The following RBMS3 variants were observed in gnomAD, a reference collection of about 807,000 sequenced individuals.
The protein encoded by RBMS3 is RNA binding motif single stranded interacting protein 3.
In RBMS3, 27 loss-of-function variants were observed where a neutral mutation model predicts 66.8. The ratio of observed to expected loss-of-function variants is 0.40; its 90% CI spans 0.30 to 0.56. RBMS3 has a LOEUF of 0.56. Ranked by LOEUF, RBMS3 falls within the 20% of genes least tolerant of loss-of-function variation. RBMS3 has a pLI of 0.40. For missense variants in RBMS3, 513 were observed against 549.5 expected (o/e 0.93, Z 0.66); for synonymous variants, 188 against 183.0 (o/e 1.03, Z -0.22).
chr3:29,689,819 C>T (rs912412924), intron 4 of RBMS3, among the ~76,000 whole-genome samples: 2 of 144,356 alleles, frequency 1.4e-5, no homozygotes, highest in African/African-American at 5.1e-5. Context: ...GTGGCTCATG[C>T]ATGTAATCCC....
intron 4 of RBMS3, among the ~76,000 whole-genome samples, chr3:29,590,537 G>A (rs368042282): frequency 1.3e-5 from 2 of 152,008 alleles, no homozygotes; most frequent in South Asian, 2.1e-4. Flanking sequence ...GTCTAGGCAG[G>A]GTACTGAATA....
chr3:29,538,997 A>C (rs1365831958), intron 3 of RBMS3, among the ~76,000 whole-genome samples: 1 of 152,098 alleles, frequency 6.6e-6, no homozygotes. Flanking sequence ...TTTTTTGCTT[A>C]TTTTCCCTTC....
intron 3 of RBMS3, among the ~76,000 whole-genome samples, chr3:29,568,444 CGAATT>C (rs568256106): frequency 1.3e-4 from 20 of 152,238 alleles, no homozygotes; most frequent in Middle Eastern, 3.4e-3. Context: ...TTAAAACAAA[CGAATT>C]AAATTAAGGT....
chr3:29,331,901 T>C (rs2035687063), intron 1 of RBMS3, among the ~76,000 whole-genome samples: 1 of 147,930 alleles, frequency 6.8e-6, no homozygotes, highest in Admixed American at 6.9e-5. Flanking sequence ...GGCTTGTTCA[T>C]CTATTAGAGC....
chr3:29,510,402 T>A (rs1423635508), intron 3 of RBMS3, among the ~76,000 whole-genome samples: 1 of 152,196 alleles, frequency 6.6e-6, no homozygotes. Flanking sequence ...CTGACTTAGA[T>A]TATTAGGCAA....
At chr3:29,478,253 T>C (rs891119709) in intron 2 of RBMS3, among the ~76,000 whole-genome samples, 4 of 152,208 alleles carry the variant, frequency 2.6e-5, no homozygotes, top group African/African-American at 9.6e-5. Context: ...GCTACAAACC[T>C]GGTGGCTTAT....
chr3:29,624,050 A>T (rs557615574), intron 4 of RBMS3, among the ~76,000 whole-genome samples: 1 of 152,320 alleles, frequency 6.6e-6, no homozygotes, highest in Non-Finnish European at 1.5e-5. Flanking sequence ...ACATCCCAGG[A>T]GTTACACTGA....
intron 1 of RBMS3, among the ~76,000 whole-genome samples, chr3:29,318,042 G>A (rs562585534): frequency 6.6e-6 from 1 of 151,650 alleles, no homozygotes; most frequent in Non-Finnish European, 1.5e-5. Context: ...TAATAGGAAA[G>A]ATCAAATTAC....
chr3:29,921,520 A>G (rs886701351), intron 10 of RBMS3, among the ~76,000 whole-genome samples: 1 of 151,904 alleles, frequency 6.6e-6, no homozygotes, highest in Non-Finnish European at 1.5e-5. Flanking sequence ...CTGGGGGTGC[A>G]GCAAAAATAG....
At position 29,727,380 on chromosome 3, in the gene RBMS3, C is replaced by T. The variant is rs573226857; in HGVS notation, c.400-12340C>T. Among the ~76,000 whole-genome samples the T allele has an allele frequency of 3.3e-5, 5 of 152,238 alleles. No individual in the cohort carries two copies. In the East Asian group the frequency reaches 9.7e-4, roughly 29 times the overall value. On this transcript the variant is annotated intron_variant, in intron 4 of 14. Transcript: ENST00000383767. Reference sequence around the variant, plus strand: ...AATTGACAGATTGGATCAAATCAAACTAAAGAGCTTCTGCACAGCAAAAGA... The same window carrying T: ...AATTGACAGATTGGATCAAATCAAATTAAAGAGCTTCTGCACAGCAAAAGA...
chr3:29,699,098 T>G (rs1297808604), intron 4 of RBMS3, among the ~76,000 whole-genome samples: 3 of 152,158 alleles, frequency 2.0e-5, no homozygotes, highest in Non-Finnish European at 4.4e-5. Flanking sequence ...GGCTTAAACA[T>G]ACACAAAAAA....
At chr3:29,431,556 G>T (rs1268114919) in intron 1 of RBMS3, among the ~76,000 whole-genome samples, 1 of 151,968 alleles carries the variant, frequency 6.6e-6, no homozygotes, top group Admixed American at 6.6e-5. Flanking sequence ...CTCCCAAACT[G>T]CTGGGACTAC....
chr3:29,831,826 T>A (rs938034345), intron 6 of RBMS3, among the ~76,000 whole-genome samples: 2 of 151,914 alleles, frequency 1.3e-5, no homozygotes, highest in African/African-American at 4.8e-5. Context: ...TGTTAACACA[T>A]TTTTTATTCA....
intron 10 of RBMS3, among the ~76,000 whole-genome samples, chr3:29,901,094 C>G (rs1418306163): frequency 6.6e-6 from 1 of 151,716 alleles, no homozygotes; most frequent in African/African-American, 2.4e-5. Context: ...CCTTTATTTA[C>G]TATTATTTAC....
At chr3:29,763,427 A>G (rs76056056) in intron 6 of RBMS3, among the ~76,000 whole-genome samples, 3,591 of 152,232 alleles carry the variant, frequency 0.024, 56 homozygotes, top group Middle Eastern at 0.034. Context: ...GAAAGCATTT[A>G]GAAACTAGTA....
intron 3 of RBMS3, among the ~76,000 whole-genome samples, chr3:29,556,809 A>G (rs1018503640): frequency 6.6e-6 from 1 of 152,076 alleles, no homozygotes; most frequent in Non-Finnish European, 1.5e-5. Flanking sequence ...CTGCAGACAA[A>G]CAGAGCCAAG....
In RBMS3 at chr3:29,833,873, G is replaced by A. The variant is rs145127409; in HGVS notation, c.638-34985G>A. 6.9e-3 allele frequency among the ~76,000 whole-genome samples: 1,056 copies of A among 151,976 alleles called. 8 individuals are homozygous for A. The highest frequency in any genetic ancestry group is 0.024 in the African/African-American group (1,003 of 41,456). On this transcript the variant is annotated intron_variant, in intron 6 of 14. Coordinates refer to ENST00000383767, the MANE Select transcript of RBMS3 (RefSeq NM_001003793.3). ...GACTTCCCCAAAGAAGACTCACTAC[G>A]ACACATTAAAATCAAATTGTCAAAA...
At chr3:29,640,279 C>G (rs2049647872) in intron 4 of RBMS3, among the ~76,000 whole-genome samples, 1 of 150,128 alleles carries the variant, frequency 6.7e-6, no homozygotes, top group Non-Finnish European at 1.5e-5. Context: ...CACACACACA[C>G]ACACACCCAC....
intron 3 of RBMS3, among the ~76,000 whole-genome samples, chr3:29,516,435 GT>G (rs796090712): frequency 3.3e-4 from 50 of 151,348 alleles, no homozygotes; most frequent in Admixed American, 1.3e-3. Flanking sequence ...TGGAGAGGAA[GT>G]TTTTTTTTGT....
Sources: gnomAD v4.1 joint callset for allele counts (sites outside exome capture counted in the v4.1 genomes callset) on GRCh38, gnomAD v4.1.1 for gene constraint, MANE v1.5 for transcripts, NCBI Gene and HGNC (gene_info 2026-07-23, HGNC 2026-07-21) for gene names.